Variants in PECR observed in about 807,000 individuals in gnomAD.
PECR encodes 2,4-dienoyl-CoA reductase-related protein.
Under a neutral mutation model 35.3 loss-of-function variants are expected in PECR, and 30 were observed. The observed-to-expected ratio is 0.85, with a 90% CI of 0.64 to 1.15. The LOEUF is 1.15. Among genes scored for constraint, PECR ranks in the 50% most tolerant of loss-of-function variants. PECR has a pLI of 0.00. For synonymous variants in PECR, 148 were observed against 138.9 expected, an observed-to-expected ratio of 1.07 and a Z score of -0.46; for missense variants, 392 against 370.8, an observed-to-expected ratio of 1.06 and a Z score of -0.47.
chr2:216,030,938 TCTCTCTCTCTCTCTCTCTCACA>T (rs1412374528), intron 7 of PECR, among the ~76,000 whole-genome samples: 1 of 50,982 alleles, frequency 2.0e-5, no homozygotes, highest in Non-Finnish European at 4.6e-5. Context: ...TCTCTCTCTC[TCTCTCTCTCTCTCTCTCTCACA>T]CACACACACA....
At chr2:216,030,956 TCACACACACA>T (rs1219074422) in intron 7 of PECR, among the ~76,000 whole-genome samples, 2 of 113,400 alleles carry the variant, frequency 1.8e-5, no homozygotes, top group African/African-American at 3.8e-5. Flanking sequence ...TCTCTCTCTC[TCACACACACA>T]CACACACACA....
downstream of PECR, among the ~76,000 whole-genome samples, chr2:216,035,728 C>A (rs541908334): frequency 6.6e-6 from 1 of 152,280 alleles, no homozygotes; most frequent in East Asian, 1.9e-4. Flanking sequence ...CTCAGATGAT[C>A]TGCCCACCTC....
chr2:216,039,040 C>A lies in PECR; in HGVS notation c.*235G>T. 2.7e-6 allele frequency: 1 copy of A among 374,074 alleles called. No individual in the cohort carries two copies. Among genetic ancestry groups the A allele is most frequent in the Non-Finnish European group, 4.9e-6 (1 of 202,738 alleles). 23.2% of individuals were successfully genotyped at this position (374,074 alleles called of 1,614,324 possible). ...TTTTCTTAGAAATAAAAAGTAAAGT[C>A]ATTAAAATATGTTAATTTCTGTTAC... On this transcript the variant is annotated 3_prime_UTR_variant, in exon 8 of 8. Coordinates refer to ENST00000265322, the MANE Select transcript of PECR (RefSeq NM_018441.6).
At chr2:216,071,067 T>C (rs1695578838) in intron 1 of PECR, among the ~76,000 whole-genome samples, 1 of 152,176 alleles carries the variant, frequency 6.6e-6, no homozygotes, top group African/African-American at 2.4e-5. Flanking sequence ...GGTGGTTCAT[T>C]CCGTCTTCGC....
chr2:216,059,037 C>T, intron 3 of PECR, 61 bp from the exon 4 acceptor site: 4 of 944,714 alleles, frequency 4.2e-6, no homozygotes, highest in Non-Finnish European at 7.0e-6. Context: ...CTCCTGATAC[C>T]TTGTTTCAGC....
chr2:216,059,660 T>C (rs1695295721), intron 3 of PECR, among the ~76,000 whole-genome samples: 1 of 152,240 alleles, frequency 6.6e-6, no homozygotes, highest in African/African-American at 2.4e-5. Context: ...ATGTAGTTTC[T>C]ACACGCCACT....
At position 216,031,691 on chromosome 2, in the gene PECR, G is replaced by GAAAGAAAGAAAGAAAGAAAGAA. The variant is rs1473248845; in HGVS notation, c.*440+7499_*440+7500insTTCTTTCTTTCTTTCTTTCTTT. On this transcript the variant is annotated intron_variant and NMD_transcript_variant, in intron 7 of 7. Coordinates refer to the PECR transcript ENST00000442122. Reference sequence around the variant, plus strand: ...AGAAAGAAAGAAAGAAAGAAAGAAAGAGAAAGAAAGAAAGAAAGAAAGGGA... The same window carrying GAAAGAAAGAAAGAAAGAAAGAA: ...AGAAAGAAAGAAAGAAAGAAAGAAAGAAAGAAAGAAAGAAAGAAAGAAAGAAAGAAAGAAAGAAAGAAAGGGA... 3.5e-3 allele frequency among the ~76,000 whole-genome samples: 214 copies of GAAAGAAAGAAAGAAAGAAAGAA among 61,054 alleles called. 1 individual carries two copies. The highest frequency in any genetic ancestry group is 0.018 in the Middle Eastern group (2 of 114). The allele number at this position is 61,054 out of a possible 152,430, so 40.1% of individuals were successfully genotyped here. A position where few individuals can be genotyped will look rare whatever the true frequency, so the allele number is the denominator to read the frequency against.
At chr2:216,046,578 T>G (rs1695002225) in intron 6 of PECR, among the ~76,000 whole-genome samples, 1 of 152,100 alleles carries the variant, frequency 6.6e-6, no homozygotes, top group African/African-American at 2.4e-5. Context: ...TCCAAAGTGT[T>G]GGGATTACAG....
At chr2:216,062,269 C>T (rs1356630825) in intron 3 of PECR, among the ~76,000 whole-genome samples, 1 of 152,058 alleles carries the variant, frequency 6.6e-6, no homozygotes, top group African/African-American at 2.4e-5. Flanking sequence ...TGGTTTCGAA[C>T]TCCTGACCTC....
At chr2:216,034,042 G>A (rs1189794303), downstream of PECR, 1 of 152,094 alleles carries the variant, frequency 6.6e-6, no homozygotes, top group Non-Finnish European at 1.5e-5. Flanking sequence ...TGAAATCCTT[G>A]TAAACAAGGA....
At position 216,043,951 on chromosome 2, in the gene PECR, T is replaced by A. The variant is rs764947491; in HGVS notation, c.779A>T (p.Asp260Val). ...AASFITGQSV[D>V]VDGGRSLYTH... ...ATAGAGACTCCGGCCCCCATCCACATCCACCGACTGTCCAGTGATGAAGGA... is the reference window on the plus strand; with the variant it reads ...ATAGAGACTCCGGCCCCCATCCACAACCACCGACTGTCCAGTGATGAAGGA... Residue 260 changes from aspartate (D) to valine (V), a missense_variant, in exon 7 of 8, where the codon GAT (aspartate) becomes GTT (valine). Coordinates refer to ENST00000265322, the MANE Select transcript of PECR (RefSeq NM_018441.6). 30 of 1,612,474 alleles carry A rather than the reference T, an allele frequency of 1.9e-5. No homozygotes were observed. In the East Asian group the frequency reaches 6.7e-4, roughly 36 times the overall value.
chr2:216,081,802 A>T lies in PECR; in HGVS notation c.-61T>A. 1 of 1,587,804 alleles carries T rather than the reference A, an allele frequency of 6.3e-7. No individual in the cohort carries two copies. The highest frequency in any genetic ancestry group is 8.5e-7 in the Non-Finnish European group (1 of 1,170,680). On this transcript the variant is annotated 5_prime_UTR_variant, in exon 1 of 8. Transcript: ENST00000265322. ...CCCTTCTGGGTCTCAGGGACATTCG[A>T]GGCGGGCGGGCGGACAGGGCGGTGC...
intron 1 of PECR, among the ~76,000 whole-genome samples, chr2:216,068,676 G>A (rs1695521563): frequency 1.3e-5 from 2 of 152,044 alleles, no homozygotes; most frequent in Admixed American, 1.3e-4. Flanking sequence ...GTCTTACTCT[G>A]TTGCCTAGGC....
chr2:216,081,098 T>C (rs993709676), intron 1 of PECR, among the ~76,000 whole-genome samples: 27 of 152,210 alleles, frequency 1.8e-4, no homozygotes, highest in African/African-American at 6.3e-4. Context: ...TACAGGTAGA[T>C]TGATTTATGT....
At position 216,066,450 on chromosome 2, in the gene PECR, T is replaced by C; in HGVS notation, c.193A>G (p.Asn65Asp). The C allele has an allele frequency of 6.2e-7, 1 of 1,613,554 alleles. No individual in the cohort carries two copies. Among genetic ancestry groups the C allele is most frequent in the Non-Finnish European group, 8.5e-7 (1 of 1,179,430 alleles). Residue 65 changes from asparagine to aspartate, a missense_variant, in exon 2 of 8, where the codon AAC becomes GAC. Asn to Asp is a conservative substitution (Grantham distance 23). Transcript: ENST00000265322. ...LKSAADELQA[N>D]LPPTKQARVI... ...CGTGCCTGCTTTGTGGGAGGTAGGT[T>C]GGCCTGCAGTTCATCTGCCGCAGAC...
At chr2:216,036,382 T>G (rs139496437), downstream of PECR, among the ~76,000 whole-genome samples, 4 of 152,322 alleles carry the variant, frequency 2.6e-5, no homozygotes, top group South Asian at 2.1e-4. Flanking sequence ...TTAAGGAGAA[T>G]AGCAGCACTG....
At chr2:216,047,321 A>G (rs1330497323) in intron 6 of PECR, among the ~76,000 whole-genome samples, 1 of 152,022 alleles carries the variant, frequency 6.6e-6, no homozygotes, top group Non-Finnish European at 1.5e-5. Context: ...ACATTTCTGG[A>G]AAGACATTCA....
downstream of PECR, among the ~76,000 whole-genome samples, chr2:216,037,976 G>A (rs973197497): frequency 4.6e-5 from 7 of 151,416 alleles, no homozygotes; most frequent in Admixed American, 2.0e-4. Flanking sequence ...TCCCAGCTAC[G>A]CAGGAGGCTG....
chr2:216,044,375 T>C (rs1694953167), intron 6 of PECR, among the ~76,000 whole-genome samples: 1 of 152,228 alleles, frequency 6.6e-6, no homozygotes, highest in South Asian at 2.1e-4. Flanking sequence ...TTCATTGTCC[T>C]CCACAACCCC....
Sources: allele counts gnomAD v4.1 joint callset (sites outside exome capture counted in the v4.1 genomes callset), GRCh38; gene constraint gnomAD v4.1.1; transcripts MANE v1.5; gene names NCBI Gene and HGNC (gene_info 2026-07-23, HGNC 2026-07-21).